Variants in AGXT2 observed in about 807,000 individuals in gnomAD.
AGXT2 encodes alanine--glyoxylate aminotransferase 2, mitochondrial.
Under a neutral mutation model 62.5 loss-of-function variants are expected in AGXT2, and 61 were observed. The observed-to-expected ratio is 0.98, with a 90% CI of 0.79 to 1.21. The LOEUF is 1.21. AGXT2 is among the 50% of genes most tolerant of loss of function. AGXT2 has a pLI of 0.00. For missense variants in AGXT2, 666 were observed against 641.5 expected (o/e 1.04, Z -0.41); for synonymous variants, 243 against 218.7 (o/e 1.11, Z -0.98).
At chr5:34,999,283 T>C (rs1766141606) in intron 13 of AGXT2, among the ~76,000 whole-genome samples, 1 of 152,194 alleles carries the variant, frequency 6.6e-6, no homozygotes, top group Non-Finnish European at 1.5e-5. Context: ...AATTTCTGAT[T>C]CCCACTACAG....
chr5:35,024,123 C>T (rs1408103784), intron 9 of AGXT2, among the ~76,000 whole-genome samples: 1 of 152,102 alleles, frequency 6.6e-6, no homozygotes, highest in Non-Finnish European at 1.5e-5. Context: ...GAACTCCTGA[C>T]CTCAAGTGAC....
At position 35,022,836 on chromosome 5, in the gene AGXT2, A is replaced by T. The variant is rs531209231; in HGVS notation, c.963+2927T>A. ...GAATATGCTATAATATTAACCAAGTACCAGAGGGAGACAGAACTCTGATAA... is the reference window on the plus strand; with the variant it reads ...GAATATGCTATAATATTAACCAAGTTCCAGAGGGAGACAGAACTCTGATAA... On this transcript the variant is annotated intron_variant, in intron 9 of 13. Transcript: ENST00000231420. Among the ~76,000 whole-genome samples, 15 of 151,698 alleles carry T rather than the reference A, an allele frequency of 9.9e-5. No individual in the cohort carries two copies. The East Asian group carries it at 2.7e-3, about 27-fold the overall frequency.
chr5:35,005,851 T>A (rs961614029), intron 12 of AGXT2, among the ~76,000 whole-genome samples: 7 of 147,116 alleles, frequency 4.8e-5, no homozygotes, highest in South Asian at 2.1e-4. Context: ...AATCTATGTT[T>A]AAAGAATTAT....
intron 12 of AGXT2, among the ~76,000 whole-genome samples, chr5:35,007,662 A>G (rs1766479994): frequency 6.6e-6 from 1 of 152,208 alleles, no homozygotes; most frequent in African/African-American, 2.4e-5. Flanking sequence ...CTGCCCTTAG[A>G]GCCCATGCTT....
intron 10 of AGXT2, among the ~76,000 whole-genome samples, chr5:35,013,627 C>T (rs935777500): frequency 6.6e-6 from 1 of 152,076 alleles, no homozygotes; most frequent in Non-Finnish European, 1.5e-5. Flanking sequence ...ACTAAAAATA[C>T]AAAAATTAGC....
At chr5:35,010,278 G>T in intron 11 of AGXT2, 129 bp from the exon 12 acceptor site, 1 of 1,144,108 alleles carries the variant, frequency 8.7e-7, no homozygotes, top group Non-Finnish European at 1.3e-6. Context: ...AGTCTAGTGT[G>T]ACCACAAGGA....
At chr5:35,021,030 C>T (rs971516202) in intron 9 of AGXT2, among the ~76,000 whole-genome samples, 2 of 152,100 alleles carry the variant, frequency 1.3e-5, no homozygotes, top group Non-Finnish European at 2.9e-5. Context: ...TGTGAAGGAC[C>T]TCTTCAAGGA....
chr5:35,039,723 C>T (rs1336317556), intron 2 of AGXT2, among the ~76,000 whole-genome samples: 1 of 152,166 alleles, frequency 6.6e-6, no homozygotes, highest in African/African-American at 2.4e-5. Context: ...CTTTCGATCT[C>T]TTTTCAGAAA....
chr5:35,010,148 A>G lies in AGXT2; in HGVS notation c.1190T>C (p.Val397Ala). ...ACAIGSAVLE[V>A]IKEENLQENS... Reference sequence around the variant, plus strand: ...TTCCTGTAGATTTTCTTCTTTAATCACCTGTTAAGAGAAAGCCCCAAATGA... The same window carrying G: ...TTCCTGTAGATTTTCTTCTTTAATCGCCTGTTAAGAGAAAGCCCCAAATGA... The change falls in exon 12 of 14, where the codon GTG (valine) becomes GCG (alanine). Residue 397 changes from valine to alanine, a missense_variant and splice_region_variant. Val to Ala is a moderately conservative substitution (Grantham distance 64, BLOSUM62 0). Coordinates refer to ENST00000231420, the MANE Select transcript of AGXT2 (RefSeq NM_031900.4). 6.2e-7 allele frequency: 1 copy of G among 1,614,176 alleles called. No individual in the cohort carries two copies. Among genetic ancestry groups the G allele is most frequent in the East Asian group, 2.2e-5 (1 of 44,882 alleles).
intron 1 of AGXT2, 37 bp downstream of exon 1, chr5:35,047,768 T>A: frequency 6.2e-7 from 1 of 1,612,102 alleles, no homozygotes; most frequent in Non-Finnish European, 8.5e-7. Context: ...CTCTCGCTGA[T>A]CCTCTACTGA....
intron 4 of AGXT2, among the ~76,000 whole-genome samples, chr5:35,036,397 T>A (rs1767771078): frequency 6.6e-6 from 1 of 152,246 alleles, no homozygotes; most frequent in African/African-American, 2.4e-5. Context: ...TTGGCCAACA[T>A]TTTAACATCT....
chr5:35,036,901 T>C (rs171081), intron 4 of AGXT2, 41 bp downstream of exon 4: 980,829 of 1,612,038 alleles, frequency 0.61, 305,806 homozygotes, highest in Non-Finnish European at 0.64. Flanking sequence ...ACCTTTTTTT[T>C]TCCCCCATAA....
rs1255453227 is a variant in AGXT2 at position 35,039,315 on chromosome 5, G to T, written c.362+9C>A. ...GGAATAAAAATCTCCAGATTTTAAG[G>T]ATACTCACGGGTGGCAATGGCCAAC... On this transcript the variant is annotated intron_variant, in intron 3 of 13. Transcript: ENST00000231420. The T allele has an allele frequency of 1.9e-6, 3 of 1,613,366 alleles. No individual in the cohort carries two copies. The highest frequency in any genetic ancestry group is 2.5e-6 in the Non-Finnish European group (3 of 1,179,372).
At position 34,998,917 on chromosome 5, in the gene AGXT2, G is replaced by A. The variant is rs1766127571; in HGVS notation, c.1438-91C>T. ...CACTAAACTAAAAATCCAAAACCTT[G>A]TGTTTAGGATGTTTCTCATGTTTCT... On this transcript the variant is annotated intron_variant, in intron 13 of 13. Transcript: ENST00000231420. 1.3e-5 allele frequency: 12 copies of A among 953,848 alleles called. 1 individual carries two copies. The highest frequency in any genetic ancestry group is 1.2e-4 in the South Asian group (9 of 73,844). 59.1% of individuals were successfully genotyped at this position (953,848 alleles called of 1,614,324 possible).
chr5:35,000,926 A>G (rs1358779038), intron 13 of AGXT2, among the ~76,000 whole-genome samples: 1 of 152,236 alleles, frequency 6.6e-6, no homozygotes, highest in Non-Finnish European at 1.5e-5. Flanking sequence ...TACATCAAGT[A>G]TCTATACAAC....
Position 35,013,148 on chromosome 5 carries a change from C to G in AGXT2, c.1097-103G>C, listed in dbSNP as rs545248647. On this transcript the variant is annotated intron_variant, in intron 10 of 13. Coordinates refer to ENST00000231420, the MANE Select transcript of AGXT2 (RefSeq NM_031900.4). The stretch of plus-strand genomic sequence containing the variant: ...AGTTACTTCGTGTTGTAAATGGCAT[C>G]CAATCCAATTCATCCTTCATTCAAC... The G allele has an allele frequency of 4.2e-5, 42 of 997,746 alleles. No homozygotes were observed. The South Asian group carries it at 4.6e-4, about 11-fold the overall frequency. 61.8% of individuals were successfully genotyped at this position (997,746 alleles called of 1,614,324 possible).
chr5:35,016,740 T>G (rs1169819215), intron 9 of AGXT2, among the ~76,000 whole-genome samples: 1 of 152,170 alleles, frequency 6.6e-6, no homozygotes, highest in Non-Finnish European at 1.5e-5. Flanking sequence ...GGTACAAGCT[T>G]TGGACTCAGT....
At chr5:35,030,049 C>T (rs1315521908) in intron 7 of AGXT2, among the ~76,000 whole-genome samples, 1 of 152,216 alleles carries the variant, frequency 6.6e-6, no homozygotes. Context: ...AAGAACTGTA[C>T]ATGTTTGGAT....
At chr5:35,031,466 A>C (rs1463072617) in intron 7 of AGXT2, among the ~76,000 whole-genome samples, 1 of 152,116 alleles carries the variant, frequency 6.6e-6, no homozygotes, top group African/African-American at 2.4e-5. Context: ...CTCTCAACCC[A>C]GTGATTCATA....
Sources: gnomAD v4.1 joint callset for allele counts (sites outside exome capture counted in the v4.1 genomes callset) on GRCh38, gnomAD v4.1.1 for gene constraint, MANE v1.5 for transcripts, NCBI Gene and HGNC (gene_info 2026-07-23, HGNC 2026-07-21) for gene names.